The following DDX55 variants were observed in gnomAD, a reference collection of about 807,000 sequenced individuals.
DDX55 encodes the protein ATP-dependent RNA helicase DDX55.
In DDX55, 56 loss-of-function variants were observed where a neutral mutation model predicts 69.2. That is an observed-to-expected ratio of 0.81 (90% CI 0.65 to 1.01). The LOEUF is 1.01. DDX55 is among the 50% of genes least tolerant of loss of function. The probability of loss-of-function intolerance (pLI) is 0.00; values close to 1 mark genes in which losing one functional copy is unlikely to be tolerated. For synonymous variants in DDX55, 268 were observed against 273.1 expected, an observed-to-expected ratio of 0.98 and a Z score of 0.18; for missense variants, 720 against 745.1, an observed-to-expected ratio of 0.97 and a Z score of 0.39.
In DDX55 at chr12:123,607,370, A is replaced by G. The variant is rs1593680395; in HGVS notation, c.247-62A>G. 14 of 1,578,144 alleles carry G rather than the reference A, an allele frequency of 8.9e-6. No homozygotes were observed. The East Asian group carries it at 1.8e-4, about 21-fold the overall frequency. The stretch of plus-strand genomic sequence containing the variant: ...TTGTGTGGTAGAGGGCGGAGGGCCT[A>G]TGAGTTCCTCTCTGGGAGTCCCTTG... On this transcript the variant is annotated intron_variant, in intron 3 of 13. Coordinates refer to ENST00000238146, the MANE Select transcript of DDX55 (RefSeq NM_020936.3).
rs79514038 is a variant in DDX55 at position 123,613,336 on chromosome 12, A to T, written c.824+84A>T. 6,572 of 1,346,660 alleles carry T rather than the reference A, an allele frequency of 4.9e-3. 149 individuals carry two copies. In the African/African-American group the frequency reaches 0.066, roughly 14 times the overall value. 83.4% of individuals were successfully genotyped at this position (1,346,660 alleles called of 1,614,324 possible). A position where few individuals can be genotyped will look rare whatever the true frequency, so the allele number is the denominator to read the frequency against. Reference sequence around the variant, plus strand: ...ATGCGGCCTTTGGGTTTTGGATTCCATCTAGCATGGTTCTCTCCGGAATGC... The same window carrying T: ...ATGCGGCCTTTGGGTTTTGGATTCCTTCTAGCATGGTTCTCTCCGGAATGC... On this transcript the variant is annotated intron_variant, in intron 8 of 13. Transcript: ENST00000238146.
chr12:123,620,580 T>TTATATATA lies in DDX55; in HGVS notation c.*481_*488dup, dbSNP rs68169681. 332 of 65,052 alleles carry TTATATATA rather than the reference T, an allele frequency of 5.1e-3. 2 individuals carry two copies. The highest frequency in any genetic ancestry group is 8.5e-3 in the South Asian group (17 of 2,010). 4.0% of individuals were successfully genotyped at this position (65,052 alleles called of 1,614,324 possible). ...GGTCACATATAGACATATGTACATA[T>TTATATATA]TATATATATATATATATATATATAT... On this transcript the variant is annotated 3_prime_UTR_variant, in exon 14 of 14. Coordinates refer to ENST00000238146, the MANE Select transcript of DDX55 (RefSeq NM_020936.3).
rs753315467 is a variant in DDX55 at position 123,619,991 on chromosome 12, G to C, written c.1654G>C (p.Glu552Gln). 1 of 1,613,892 alleles carries C rather than the reference G, an allele frequency of 6.2e-7. No homozygotes were observed. The highest frequency in any genetic ancestry group is 8.5e-7 in the Non-Finnish European group (1 of 1,179,940). Residue 552 changes from glutamate to glutamine, a missense_variant, in exon 14 of 14, where the codon GAA becomes CAA. By Grantham distance (29) the Glu-to-Gln change is conservative. Coordinates refer to ENST00000238146, the MANE Select transcript of DDX55 (RefSeq NM_020936.3). ...TTCTGATATTGAAGATGAGGACATG[G>C]AAGAACTTCTTAATGACACAAGACT... ...EGSDIEDEDM[E>Q]ELLNDTRLLK...
intron 2 of DDX55, 21 bp from the exon 3 acceptor site, chr12:123,606,052 A>G: frequency 6.6e-7 from 1 of 1,504,760 alleles, no homozygotes; most frequent in Non-Finnish European, 8.9e-7. Context: ...AGAAAGGGAA[A>G]CCAAAACTCT....
chr12:123,609,370 GTTT>G (rs1220679978), intron 6 of DDX55, among the ~76,000 whole-genome samples: 4 of 124,686 alleles, frequency 3.2e-5, no homozygotes, highest in Non-Finnish European at 3.3e-5. Context: ...TTTCCTTCAA[GTTT>G]TTTTTTTTTT....
At chr12:123,608,607 T>A in intron 5 of DDX55, 73 bp from the exon 6 acceptor site, 1 of 1,560,896 alleles carries the variant, frequency 6.4e-7, no homozygotes, top group South Asian at 1.2e-5. Flanking sequence ...ATATAAAACT[T>A]GGTATTTTGG....
rs1955070805 is a variant in DDX55, at chr12:123,620,619, T to TATATATATATAA, written c.*488_*489insTAAATATATATA. 2.5e-5 allele frequency: 3 copies of TATATATATATAA among 120,548 alleles called. No individual in the cohort carries two copies. The highest frequency in any genetic ancestry group is 1.1e-4 in the African/African-American group (3 of 27,258). 7.5% of individuals were successfully genotyped at this position (120,548 alleles called of 1,614,324 possible). A position where few individuals can be genotyped will look rare whatever the true frequency, so the allele number is the denominator to read the frequency against. ...ATATATATATATATATATATATATA[T>TATATATATATAA]ATATATATAAGCTCTTTTTTCTGAG... On this transcript the variant is annotated 3_prime_UTR_variant, in exon 14 of 14. Coordinates refer to ENST00000238146, the MANE Select transcript of DDX55 (RefSeq NM_020936.3).
chr12:123,604,743 A>G (rs926925004), intron 1 of DDX55: 3 of 152,200 alleles, frequency 2.0e-5, no homozygotes, highest in African/African-American at 4.8e-5. Flanking sequence ...TATTTTTGAT[A>G]TATTGGGTTA....
Position 123,607,542 on chromosome 12 carries a change from C to T in DDX55, c.338+19C>T, listed in dbSNP as rs1953967141. ...AGTTCAGGTGAATTGGATGCAGTGT[C>T]CCTGTTAGTCATGGGCTGTTTTGTC... is the stretch of plus-strand genomic sequence containing the variant. On this transcript the variant is annotated intron_variant, in intron 4 of 13. Transcript: ENST00000238146. 1 of 1,614,164 alleles carries T rather than the reference C, an allele frequency of 6.2e-7. No individual in the cohort carries two copies. Among genetic ancestry groups the T allele is most frequent in the Non-Finnish European group, 8.5e-7 (1 of 1,180,034 alleles).
intron 3 of DDX55, 142 bp from the exon 4 acceptor site, chr12:123,607,290 G>C (rs750078664): frequency 2.5e-6 from 2 of 804,608 alleles, no homozygotes; most frequent in Non-Finnish European, 4.0e-6. Context: ...GTTGATATGT[G>C]CTCAGAGATG....
chr12:123,608,795 G>C lies in DDX55; in HGVS notation c.517G>C (p.Ala173Pro). 6.2e-7 allele frequency: 1 copy of C among 1,614,206 alleles called. No individual in the cohort carries two copies. The highest frequency in any genetic ancestry group is 8.5e-7 in the Non-Finnish European group (1 of 1,180,032). ...CCTGGATGTCCTGGTGTTGGATGAG[G>C]CAGACAGACTTCTGGACATGGGGTT... Reference protein sequence around the residue: ...RSLDVLVLDEADRLLDMGFEA... With the variant: ...RSLDVLVLDEPDRLLDMGFEA... Residue 173 changes from alanine to proline, a missense_variant, in exon 6 of 14, where the codon GCA becomes CCA. Physicochemically the swap from Ala to Pro is conservative, Grantham distance 27. Transcript: ENST00000238146.
intron 1 of DDX55, among the ~76,000 whole-genome samples, chr12:123,603,847 G>C (rs1373881643): frequency 6.6e-6 from 1 of 152,082 alleles, no homozygotes; most frequent in Admixed American, 6.6e-5. Flanking sequence ...CTGTTGCCCA[G>C]GTTGGAGTGC....
rs567599909 is a variant in DDX55 at position 123,612,845 on chromosome 12, A to C, written c.742-325A>C. Reference sequence around the variant, plus strand: ...CTTGAAAAAAAAAAAAGAAGAAAAAAAAAGGTAAATAAATAAAAATCTACC... The same window carrying C: ...CTTGAAAAAAAAAAAAGAAGAAAAACAAAGGTAAATAAATAAAAATCTACC... On this transcript the variant is annotated intron_variant, in intron 7 of 13. Transcript: ENST00000238146. Among the ~76,000 whole-genome samples, 16 of 151,984 alleles carry C rather than the reference A, an allele frequency of 1.1e-4. No homozygotes were observed. In the South Asian group the frequency reaches 2.7e-3, roughly 26 times the overall value.
intron 8 of DDX55, among the ~76,000 whole-genome samples, chr12:123,614,397 G>C (rs994021031): frequency 1.3e-5 from 2 of 152,244 alleles, no homozygotes; most frequent in African/African-American, 4.8e-5. Context: ...GGTCTAGTGG[G>C]AGGAGCATTA....
At chr12:123,608,228 C>T (rs1954006616) in intron 5 of DDX55, 1 of 170,188 alleles carries the variant, frequency 5.9e-6, no homozygotes, top group Non-Finnish European at 1.3e-5. Flanking sequence ...CTGGGACCTA[C>T]AATGGTTGAG....
chr12:123,612,721 C>T (rs940463735), intron 7 of DDX55, among the ~76,000 whole-genome samples: 5 of 151,144 alleles, frequency 3.3e-5, no homozygotes, highest in East Asian at 3.9e-4. Flanking sequence ...AGGTGGCTCA[C>T]GCCTGTAATC....
At chr12:123,606,268 C>T in intron 3 of DDX55, 109 bp downstream of exon 3, 3 of 1,302,064 alleles carry the variant, frequency 2.3e-6, no homozygotes, top group Non-Finnish European at 3.1e-6. Context: ...GTGGCTCACG[C>T]CTGTAATCCC....
Position 123,602,166 on chromosome 12 carries a change from G to A in DDX55, c.18G>A (p.Glu6=). The A allele has an allele frequency of 1.3e-6, 2 of 1,560,106 alleles. No individual in the cohort carries two copies. The highest frequency in any genetic ancestry group is 1.7e-6 in the Non-Finnish European group (2 of 1,154,246). The change falls in exon 1 of 14, where the codon GAG becomes GAA. Residue 6 remains glutamate (E), a synonymous_variant. Coordinates refer to ENST00000238146, the MANE Select transcript of DDX55 (RefSeq NM_020936.3). MEHVT[E]GSWESLPVPL... is the part of the protein sequence containing the mutation. ...AGCGCGCCATGGAGCATGTGACAGA[G>A]GGCTCCTGGGAGTCGCTGCCTGTGC...
chr12:123,608,543 T>C, intron 5 of DDX55, 137 bp from the exon 6 acceptor site: 2 of 1,053,276 alleles, frequency 1.9e-6, no homozygotes, highest in South Asian at 3.0e-5. Flanking sequence ...TGCAGCACTC[T>C]TCTACTCTCA....
Sources: allele counts gnomAD v4.1 joint callset (sites outside exome capture counted in the v4.1 genomes callset), GRCh38; gene constraint gnomAD v4.1.1; transcripts MANE v1.5; gene names NCBI Gene and HGNC (gene_info 2026-07-23, HGNC 2026-07-21).